EBF3: variants seen among roughly 807,000 people sequenced by gnomAD.
EBF3 encodes EBF transcription factor 3.
In EBF3, 18 loss-of-function variants were observed where a neutral mutation model predicts 77.1. That is an observed-to-expected ratio of 0.23 (90% confidence interval 0.16 to 0.35). EBF3 has a LOEUF of 0.35. Ranked by LOEUF, EBF3 falls within the 10% of genes least tolerant of loss-of-function variation. EBF3 has a pLI of 1.00. For missense variants in EBF3, 558 were observed against 860.0 expected (o/e 0.65, Z 4.39); for synonymous variants, 350 against 343.5 (o/e 1.02, Z -0.21).
chr10:129,962,242 G>A lies in EBF3; in HGVS notation c.356-16C>T, dbSNP rs145453182. The A allele has an allele frequency of 5.2e-4, 838 of 1,613,952 alleles. 9 individuals are homozygous for A. In the East Asian group the frequency reaches 0.014, roughly 27 times the overall value. ...GTTCTGACTCCTGCAAAAAAACAGA[G>A]ACAAATTCTCATCAGGATTTGAGTG... On this transcript the variant is annotated splice_polypyrimidine_tract_variant and intron_variant, in intron 3 of 16. Transcript: ENST00000440978.
chr10:129,963,215 C>G lies in EBF3; in HGVS notation c.291+152G>C. 1 of 1,230,786 alleles carries G rather than the reference C, an allele frequency of 8.1e-7. No homozygotes were observed. The highest frequency in any genetic ancestry group is 1.1e-6 in the Non-Finnish European group (1 of 927,774). 76.2% of individuals were successfully genotyped at this position (1,230,786 alleles called of 1,614,324 possible). On this transcript the variant is annotated intron_variant, in intron 2 of 16. Coordinates refer to ENST00000440978, the MANE Select transcript of EBF3 (RefSeq NM_001375380.1). The surrounding 1 kb of genome is among the most constrained non-coding windows in gnomAD (Gnocchi z 7.1). ...GGGCGCAGAGAAGTTGCCCAGCCCT[C>G]GGCGGTCCCGGGCGGCCGCACGTGG...
intron 6 of EBF3, among the ~76,000 whole-genome samples, chr10:129,878,387 GT>G (rs375280948): frequency 1.4e-4 from 21 of 152,228 alleles, no homozygotes; most frequent in African/African-American, 4.3e-4. Context: ...TTAAATATGG[GT>G]TTTAAGAGTT....
chr10:129,886,888 A>C (rs945321251), intron 6 of EBF3, among the ~76,000 whole-genome samples: 2 of 151,456 alleles, frequency 1.3e-5, no homozygotes, highest in East Asian at 2.0e-4. Flanking sequence ...GCAGGAGACT[A>C]TGTATGAGAG....
At chr10:129,860,535 G>A (rs1040290842) in intron 10 of EBF3, among the ~76,000 whole-genome samples, 5 of 152,292 alleles carry the variant, frequency 3.3e-5, no homozygotes, top group African/African-American at 9.6e-5. Context: ...CTGGGTTAGC[G>A]TGGCCCCGAT....
chr10:129,860,628 A>T (rs1307386840), intron 10 of EBF3, among the ~76,000 whole-genome samples: 6 of 152,188 alleles, frequency 3.9e-5, no homozygotes, highest in Non-Finnish European at 8.8e-5. Flanking sequence ...ATGACAGACA[A>T]ATGTGTCTTG....
intron 10 of EBF3, among the ~76,000 whole-genome samples, chr10:129,857,091 A>G (rs1851306805): frequency 6.6e-6 from 1 of 152,192 alleles, no homozygotes; most frequent in South Asian, 2.1e-4. Context: ...GTTTCCCAAC[A>G]TTATTACCCT....
At chr10:129,884,872 T>C (rs911810359) in intron 6 of EBF3, among the ~76,000 whole-genome samples, 1 of 152,250 alleles carries the variant, frequency 6.6e-6, no homozygotes, top group East Asian at 1.9e-4. Flanking sequence ...CCGTCTCTAG[T>C]GGACTCCAGC....
chr10:129,907,279 C>T (rs921592868), intron 6 of EBF3, among the ~76,000 whole-genome samples: 1 of 152,234 alleles, frequency 6.6e-6, no homozygotes, highest in Non-Finnish European at 1.5e-5. Flanking sequence ...GCTCTCCACG[C>T]CAAAGGCCCC....
chr10:129,957,173 A>C, intron 6 of EBF3, 85 bp downstream of exon 6: 1 of 1,265,010 alleles, frequency 7.9e-7, no homozygotes, highest in Non-Finnish European at 1.1e-6. Context: ...AGCCTCAAAA[A>C]TATGGAGCAA....
intron 6 of EBF3, among the ~76,000 whole-genome samples, chr10:129,915,451 C>T (rs1394402187): frequency 2.9e-5 from 4 of 139,162 alleles, no homozygotes; most frequent in South Asian, 2.3e-4. Flanking sequence ...CCCATGCATG[C>T]GCGCACACAT....
Position 129,931,565 on chromosome 10 carries a change from G to A in EBF3, c.554+25693C>T, listed in dbSNP as rs1216228167. 5.9e-5 allele frequency among the ~76,000 whole-genome samples: 9 copies of A among 152,246 alleles called. No individual in the cohort carries two copies. The East Asian group carries it at 1.3e-3, about 23-fold the overall frequency. On this transcript the variant is annotated intron_variant, in intron 6 of 16. Coordinates refer to ENST00000440978, the MANE Select transcript of EBF3 (RefSeq NM_001375380.1). ...ACAGTTGACTTCCCTGTCTGGGGCC[G>A]CGACTGTGAGCGCCCTGAGGGCAAG...
chr10:129,840,776 A>C, intron 14 of EBF3, 68 bp downstream of exon 14: 1 of 1,547,758 alleles, frequency 6.5e-7, no homozygotes, highest in East Asian at 2.3e-5. Flanking sequence ...CATCCAAGCA[A>C]TGCACACACT....
chr10:129,890,162 G>A (rs1853921516), intron 6 of EBF3, among the ~76,000 whole-genome samples: 2 of 152,058 alleles, frequency 1.3e-5, no homozygotes, highest in African/African-American at 4.8e-5. Flanking sequence ...ATTTTTTCAT[G>A]TATAAAATCC....
intron 8 of EBF3, among the ~76,000 whole-genome samples, chr10:129,872,019 C>A (rs1852439964): frequency 6.6e-6 from 1 of 152,204 alleles, no homozygotes; most frequent in Admixed American, 6.5e-5. Context: ...ACATTTTCTG[C>A]TTACAGTCAA....
intron 6 of EBF3, among the ~76,000 whole-genome samples, chr10:129,888,973 G>A (rs1195000095): frequency 6.6e-6 from 1 of 152,230 alleles, no homozygotes; most frequent in African/African-American, 2.4e-5. Context: ...ACAGGCCAGA[G>A]GCGTGACAGC....
At position 129,918,958 on chromosome 10, in the gene EBF3, A is replaced by G. The variant is rs188939962; in HGVS notation, c.554+38300T>C. 2.4e-3 allele frequency among the ~76,000 whole-genome samples: 363 copies of G among 152,266 alleles called. 1 individual carries two copies. Among genetic ancestry groups the G allele is most frequent in the African/African-American group, 8.1e-3 (338 of 41,556 alleles). On this transcript the variant is annotated intron_variant, in intron 6 of 16. Transcript: ENST00000440978. ...CTTGAGCTGTGCTCTGGAGGAGGCT[A>G]GAGAGGACTTCCCCAGCCGGGCTTA...
In EBF3 at chr10:129,842,886, C is replaced by A. The variant is rs1850185399; in HGVS notation, c.1194+251G>T. 6.6e-6 allele frequency among the ~76,000 whole-genome samples: 1 copy of A among 151,814 alleles called. No homozygotes were observed. Among genetic ancestry groups the A allele is most frequent in the South Asian group, 2.1e-4 (1 of 4,802 alleles). On this transcript the variant is annotated intron_variant, in intron 12 of 16. Coordinates refer to ENST00000440978, the MANE Select transcript of EBF3 (RefSeq NM_001375380.1). This position sits in a 1 kb window ranked among gnomAD's most constrained non-coding sequence, Gnocchi z 4.4. ...ACCGTCCACCCGCCACTGCACACTG[C>A]AGATGGGTTTCAAGGCTGTGCACTC...
chr10:129,918,860 T>C (rs1259775993), intron 6 of EBF3, among the ~76,000 whole-genome samples: 1 of 152,182 alleles, frequency 6.6e-6, no homozygotes, highest in Non-Finnish European at 1.5e-5. Context: ...CAAACTCCAG[T>C]CCAGTGTTAT....
intron 8 of EBF3, among the ~76,000 whole-genome samples, chr10:129,868,532 T>C (rs991127116): frequency 6.6e-6 from 1 of 152,230 alleles, no homozygotes; most frequent in Non-Finnish European, 1.5e-5. Context: ...CCTCTCTTTG[T>C]CTCGGGAGCT....
Sources: gnomAD v4.1 joint callset for allele counts (sites outside exome capture counted in the v4.1 genomes callset) on GRCh38, gnomAD v4.1.1 for gene constraint, Gnocchi (gnomAD v3.1) non-coding constraint, MANE v1.5 for transcripts, NCBI Gene and HGNC (gene_info 2026-07-23, HGNC 2026-07-21) for gene names.